Variants in IPPK observed in about 807,000 individuals in gnomAD.
IPPK encodes IPK1 homolog.
A neutral mutation model predicts 64.6 loss-of-function variants in IPPK; 22 were observed. The ratio of observed to expected loss-of-function variants is 0.34; its 90% CI spans 0.24 to 0.49. The LOEUF (loss-of-function observed/expected upper bound fraction) is 0.49. Among genes scored for constraint, IPPK ranks in the 20% least tolerant of loss-of-function variants. IPPK has a pLI of 0.99. For missense variants in IPPK, 532 were observed against 630.7 expected (o/e 0.84, Z 1.68); for synonymous variants, 262 against 247.2 (o/e 1.06, Z -0.56).
chr9:92,658,582 G>C (rs1852420044), intron 2 of IPPK, 52 bp downstream of exon 2: 1 of 1,444,242 alleles, frequency 6.9e-7, no homozygotes, highest in African/African-American at 1.4e-5. Flanking sequence ...AAAAAAATCA[G>C]AGTTTTCTTA....
intron 12 of IPPK, chr9:92,618,768 C>T: frequency 2.8e-6 from 1 of 356,438 alleles, no homozygotes; most frequent in Non-Finnish European, 5.5e-6. Context: ...ATCCTGGGAA[C>T]TGTTTAGTTC....
chr9:92,665,494 T>C (rs529179354), intron 1 of IPPK, among the ~76,000 whole-genome samples: 35 of 152,274 alleles, frequency 2.3e-4, no homozygotes, highest in African/African-American at 8.4e-4. Flanking sequence ...AGAACAGAAA[T>C]TAGTAAATCA....
chr9:92,650,386 C>T (rs1001808121), intron 4 of IPPK, among the ~76,000 whole-genome samples: 3 of 152,082 alleles, frequency 2.0e-5, no homozygotes, highest in African/African-American at 4.8e-5. Context: ...GGTAGCTTCA[C>T]GCCTTATGGT....
chr9:92,615,837 C>G lies in IPPK; in HGVS notation c.1471G>C (p.Val491Leu). Residue 491 changes from valine (V) to leucine (L), a missense_variant, in exon 13 of 13, where the codon GTC becomes CTC. Coordinates refer to ENST00000287996, the MANE Select transcript of IPPK (RefSeq NM_022755.6). ...SEDCTLVLHK[V>L] ...AAGACACTGCAGGGAAAGAGTTAGA[C>G]CTTGTGGAGAACTAATGTGCAATCT... 6.2e-7 allele frequency: 1 copy of G among 1,610,788 alleles called. No homozygotes were observed.
At chr9:92,662,573 T>C (rs1328343305) in intron 1 of IPPK, among the ~76,000 whole-genome samples, 1 of 151,434 alleles carries the variant, frequency 6.6e-6, no homozygotes, top group Non-Finnish European at 1.5e-5. Flanking sequence ...GGGAAGAACT[T>C]GATACTTCTG....
intron 1 of IPPK, among the ~76,000 whole-genome samples, chr9:92,661,751 T>A (rs1488046580): frequency 6.6e-6 from 1 of 152,244 alleles, no homozygotes; most frequent in African/African-American, 2.4e-5. Context: ...GGAACCGTAG[T>A]CTCAGCCAGT....
chr9:92,668,363 G>A (rs919197564), intron 1 of IPPK, among the ~76,000 whole-genome samples: 1 of 152,194 alleles, frequency 6.6e-6, no homozygotes, highest in African/African-American at 2.4e-5. Flanking sequence ...CTCAGGGAAG[G>A]GGGTGGACAC....
chr9:92,648,093 T>C lies in IPPK; in HGVS notation c.470A>G (p.Lys157Arg), dbSNP rs754050761. 10 of 1,613,556 alleles carry C rather than the reference T, an allele frequency of 6.2e-6. No homozygotes were observed. The highest frequency in any genetic ancestry group is 1.7e-4 in the Middle Eastern group (1 of 6,058). ...CTGGTGCATGCAGTATCGACAGACC[T>C]TATGCTTCATCTCATGCGTGACATC... is the stretch of plus-strand genomic sequence containing the variant. ...SSDVTHEMKH[K>R]VCRYCMHQHL... Residue 157 changes from lysine to arginine, a missense_variant, in exon 6 of 13, where the codon AAG becomes AGG. Transcript: ENST00000287996.
intron 8 of IPPK, among the ~76,000 whole-genome samples, chr9:92,639,856 T>G (rs1481164991): frequency 6.6e-6 from 1 of 152,046 alleles, no homozygotes; most frequent in East Asian, 1.9e-4. Flanking sequence ...CGCCATGGGT[T>G]TCTAACCAAG....
At chr9:92,641,994 C>T (rs1852056206) in intron 7 of IPPK, among the ~76,000 whole-genome samples, 1 of 152,252 alleles carries the variant, frequency 6.6e-6, no homozygotes, top group East Asian at 1.9e-4. Flanking sequence ...CAAGGACTCT[C>T]TCCTGGGGGT....
intron 12 of IPPK, chr9:92,617,942 A>G: frequency 3.4e-6 from 1 of 293,066 alleles, no homozygotes. Flanking sequence ...GGGTGTAAGA[A>G]GTTTAAATGT....
At chr9:92,618,504 C>T (rs1227900198) in intron 12 of IPPK, 2 of 456,696 alleles carry the variant, frequency 4.4e-6, no homozygotes, top group South Asian at 1.5e-5. Flanking sequence ...AAGCACATTT[C>T]CATTGCCCAG....
intron 11 of IPPK, among the ~76,000 whole-genome samples, chr9:92,628,935 T>C (rs1851782123): frequency 6.6e-6 from 1 of 151,186 alleles, no homozygotes; most frequent in Admixed American, 6.6e-5. Flanking sequence ...TGCAAAAGAA[T>C]ATTGTTGGAG....
At chr9:92,618,432 G>C (rs1197161342) in intron 12 of IPPK, 1 of 456,588 alleles carries the variant, frequency 2.2e-6, no homozygotes, top group East Asian at 6.9e-5. Context: ...TGCTAGACGA[G>C]GTGAGTAACA....
intron 11 of IPPK, among the ~76,000 whole-genome samples, chr9:92,633,932 T>C (rs1851888559): frequency 1.3e-5 from 2 of 152,232 alleles, no homozygotes; most frequent in Admixed American, 1.3e-4. Flanking sequence ...ACAGGGCCAG[T>C]CCTCTTCCCT....
intron 12 of IPPK, chr9:92,618,188 C>G (rs1185573000): frequency 1.3e-5 from 6 of 455,764 alleles, no homozygotes; most frequent in Non-Finnish European, 2.6e-5. Context: ...TCTCTGAGAT[C>G]CTCTCCTTTT....
At chr9:92,642,717 T>C (rs776501869) in intron 7 of IPPK, 35 bp downstream of exon 7, 1 of 1,568,122 alleles carries the variant, frequency 6.4e-7, no homozygotes, top group East Asian at 2.3e-5. Context: ...CCAGGGAACC[T>C]GACACAAGGG....
Position 92,658,603 on chromosome 9 carries a change from G to T in IPPK, c.129+31C>A, listed in dbSNP as rs762279260. On this transcript the variant is annotated intron_variant, in intron 2 of 12. Transcript: ENST00000287996. ...ATCAGAGTTTTCTTAAATAATTGTTGTAAGTCTGGGTGCAAACCCACCCAT... is the reference window on the plus strand; with the variant it reads ...ATCAGAGTTTTCTTAAATAATTGTTTTAAGTCTGGGTGCAAACCCACCCAT... The T allele has an allele frequency of 2.0e-5, 31 of 1,564,812 alleles. No individual in the cohort carries two copies. In the Middle Eastern group the frequency reaches 8.5e-4, roughly 43 times the overall value.
intron 4 of IPPK, 37 bp from the exon 5 acceptor site, chr9:92,649,611 A>T: frequency 1.2e-6 from 2 of 1,611,344 alleles, no homozygotes; most frequent in Non-Finnish European, 1.7e-6. Context: ...GAGCAAGGTC[A>T]GTGAGAGAGA....
Sources: gnomAD v4.1 joint callset for allele counts (sites outside exome capture counted in the v4.1 genomes callset) on GRCh38, gnomAD v4.1.1 for gene constraint, MANE v1.5 for transcripts, NCBI Gene and HGNC (gene_info 2026-07-23, HGNC 2026-07-21) for gene names.